Variants in HSPA12A observed in about 807,000 individuals in gnomAD.
HSPA12A encodes the protein heat shock 70 kDa protein 12A.
HSPA12A carries 28 observed loss-of-function variants against 69.2 expected under a neutral mutation model. The ratio of observed to expected loss-of-function variants is 0.40; its 90% CI spans 0.30 to 0.55. HSPA12A has a LOEUF of 0.55. HSPA12A is among the 20% of genes least tolerant of loss of function. The pLI, the probability that HSPA12A is intolerant of heterozygous loss-of-function variation, is 0.38. For missense variants in HSPA12A, 686 were observed against 900.7 expected, an observed-to-expected ratio of 0.76 and a Z score of 3.05; for synonymous variants, 345 against 370.5, an observed-to-expected ratio of 0.93 and a Z score of 0.79.
Position 116,681,788 on chromosome 10 carries a change from T to C in HSPA12A, c.922+3A>G, listed in dbSNP as rs1849409444. The C allele has an allele frequency of 1.7e-5, 28 of 1,613,354 alleles. No homozygotes were observed. The highest frequency in any genetic ancestry group is 2.4e-5 in the Non-Finnish European group (28 of 1,179,326). ...AAGAGCAAAGGACATTGAAGGACGCTACCTTCCTCCAGCTCGGACCAGATT... is the reference window on the plus strand; with the variant it reads ...AAGAGCAAAGGACATTGAAGGACGCCACCTTCCTCCAGCTCGGACCAGATT... On this transcript the variant is annotated splice_donor_region_variant and intron_variant, in intron 8 of 11. Coordinates refer to ENST00000369209, the MANE Select transcript of HSPA12A (RefSeq NM_025015.3).
intron 1 of HSPA12A, among the ~76,000 whole-genome samples, chr10:116,726,264 G>A (rs1343184385): frequency 2.0e-5 from 3 of 152,002 alleles, no homozygotes; most frequent in African/African-American, 7.2e-5. Context: ...GACTTTGTGG[G>A]TTCAAGTTTG....
intron 2 of HSPA12A, among the ~76,000 whole-genome samples, chr10:116,818,469 T>C (rs569334146): frequency 6.6e-6 from 1 of 152,028 alleles, no homozygotes; most frequent in Non-Finnish European, 1.5e-5. Context: ...TCTTGGCCCC[T>C]GTAGGATTGT....
At chr10:116,805,389 T>TG (rs1845047157) in intron 2 of HSPA12A, among the ~76,000 whole-genome samples, 2 of 152,344 alleles carry the variant, frequency 1.3e-5, no homozygotes, top group African/African-American at 4.8e-5. Flanking sequence ...GGTTTTTTTT[T>TG]GAATTCCTAG....
intron 2 of HSPA12A, among the ~76,000 whole-genome samples, chr10:116,785,826 G>T (rs1358425547): frequency 6.6e-6 from 1 of 151,798 alleles, no homozygotes; most frequent in Non-Finnish European, 1.5e-5. Context: ...GCCTTTCCCC[G>T]CTGAGCCCTC....
At chr10:116,791,515 A>G (rs1303388371) in intron 2 of HSPA12A, among the ~76,000 whole-genome samples, 1 of 152,206 alleles carries the variant, frequency 6.6e-6, no homozygotes, top group Non-Finnish European at 1.5e-5. Context: ...CAGAAGAAGA[A>G]TAGAGGTTAA....
rs782636112 is a variant in HSPA12A, at chr10:116,679,712, C to T, written c.1077G>A (p.Leu359=). 1.2e-6 allele frequency: 2 copies of T among 1,614,144 alleles called. No homozygotes were observed. Among genetic ancestry groups the T allele is most frequent in the Non-Finnish European group, 1.7e-6 (2 of 1,180,000 alleles). ...TAAAATCCTCTCCAAATATTTTATA[C>T]AGAAGTTTTTCGAACTCATAATCTA... ...LGVDYEFEKL[L]YKIFGEDFIE... The change falls in exon 10 of 12, where the codon CTG becomes CTA. Residue 359 remains leucine, a synonymous_variant. Transcript: ENST00000369209.
In HSPA12A at chr10:116,679,560, A is replaced by T. The variant is rs782207349; in HGVS notation, c.1229T>A (p.Ile410Asn). 6.2e-7 allele frequency: 1 copy of T among 1,614,126 alleles called. No homozygotes were observed. The highest frequency in any genetic ancestry group is 1.3e-5 in the African/African-American group (1 of 74,948). The change falls in exon 10 of 12, where the codon ATT becomes AAT. Residue 410 changes from isoleucine (I) to asparagine (N), a missense_variant. Transcript: ENST00000369209. ...CCCGCGGAACTTCTTGTAGTAGTCA[A>T]TGAAGGAGAAGGGCAGGGTGATGTT... ...PLNITLPFSF[I>N]DYYKKFRGHS...
At chr10:116,744,162 T>A (rs1202055539), upstream of HSPA12A, among the ~76,000 whole-genome samples, 3 of 152,190 alleles carry the variant, frequency 2.0e-5, no homozygotes, top group Non-Finnish European at 2.9e-5. Flanking sequence ...CCGCTCTGAT[T>A]CTTCAATCCC....
chr10:116,716,437 G>A (rs1398495065), intron 1 of HSPA12A, among the ~76,000 whole-genome samples: 2 of 151,144 alleles, frequency 1.3e-5, no homozygotes, highest in Non-Finnish European at 3.0e-5. Flanking sequence ...CCGAAAGGCA[G>A]GTGTGTGTTG....
intron 2 of HSPA12A, among the ~76,000 whole-genome samples, chr10:116,795,546 C>T (rs1161260072): frequency 6.7e-6 from 1 of 149,906 alleles, no homozygotes; most frequent in Non-Finnish European, 1.5e-5. Flanking sequence ...ATTAGCCAGG[C>T]GTGGTGGAAC....
chr10:116,845,336 A>G (rs1845863217), intron 1 of HSPA12A, among the ~76,000 whole-genome samples: 3 of 152,134 alleles, frequency 2.0e-5, no homozygotes, highest in Admixed American at 2.0e-4. Context: ...AGCTTAGGCA[A>G]CTCTAGCCCA....
rs11335769 is a variant in HSPA12A at position 116,761,015 on chromosome 10, T to TA, written c.92-53731dup. On this transcript the variant is annotated intron_variant, in intron 2 of 12. Transcript: ENST00000635765. ...AAAGAACTATAATTCTCATAGAGGT[T>TA]AAAAAAAAAGAAAAAAGTAAAATAA... Among the ~76,000 whole-genome samples, 22 of 151,576 alleles carry TA rather than the reference T, an allele frequency of 1.5e-4. No individual in the cohort carries two copies. In the South Asian group the frequency reaches 4.2e-3, roughly 29 times the overall value.
At chr10:116,709,275 C>T (rs1156362078) in intron 1 of HSPA12A, among the ~76,000 whole-genome samples, 1 of 152,012 alleles carries the variant, frequency 6.6e-6, no homozygotes, top group Non-Finnish European at 1.5e-5. Flanking sequence ...GGTGAAACTC[C>T]ATCTCTACTT....
chr10:116,697,400 G>A (rs1052803584), intron 5 of HSPA12A, among the ~76,000 whole-genome samples: 1 of 149,412 alleles, frequency 6.7e-6, no homozygotes, highest in African/African-American at 2.5e-5. Context: ...TTGTGGGGGC[G>A]ACCCAAGGGG....
At chr10:116,726,856 T>G (rs1341039866) in intron 1 of HSPA12A, among the ~76,000 whole-genome samples, 3 of 152,176 alleles carry the variant, frequency 2.0e-5, no homozygotes, top group African/African-American at 7.2e-5. Context: ...TAACTATTTC[T>G]CACTGTGATA....
intron 1 of HSPA12A, chr10:116,835,244 T>A (rs989739946): frequency 3.7e-6 from 1 of 273,064 alleles, no homozygotes; most frequent in Non-Finnish European, 6.9e-6. Flanking sequence ...GCCCTGAGTC[T>A]CAGATGTTTT....
intron 4 of HSPA12A, among the ~76,000 whole-genome samples, chr10:116,699,382 A>T (rs1246151396): frequency 6.6e-6 from 1 of 152,204 alleles, no homozygotes; most frequent in East Asian, 1.9e-4. Flanking sequence ...GACGGAGATC[A>T]TTAAAAAATG....
At chr10:116,695,341 G>A (rs998222696) in intron 5 of HSPA12A, among the ~76,000 whole-genome samples, 1 of 152,166 alleles carries the variant, frequency 6.6e-6, no homozygotes, top group Admixed American at 6.5e-5. Flanking sequence ...AATGGGAGAT[G>A]TTTATGTCAT....
intron 2 of HSPA12A, among the ~76,000 whole-genome samples, chr10:116,801,804 G>A (rs965407942): frequency 2.6e-5 from 4 of 151,942 alleles, no homozygotes; most frequent in African/African-American, 7.3e-5. Context: ...TAATAGTATT[G>A]TACCAAAGGC....
Sources: allele counts gnomAD v4.1 joint callset (sites outside exome capture counted in the v4.1 genomes callset), GRCh38; gene constraint gnomAD v4.1.1; transcripts MANE v1.5; gene names NCBI Gene and HGNC (gene_info 2026-07-23, HGNC 2026-07-21).